QRICH1: variants seen among roughly 807,000 people sequenced by gnomAD.
QRICH1 encodes glutamine rich 1, also known as transcriptional regulator QRICH1.
In QRICH1, 16 loss-of-function variants were observed where a neutral mutation model predicts 87.1. That is an observed-to-expected ratio of 0.18 (90% CI 0.12 to 0.28). QRICH1 has a LOEUF of 0.28. Among genes scored for constraint, QRICH1 ranks in the 10% least tolerant of loss-of-function variants. The probability of loss-of-function intolerance (pLI) is 1.00; values close to 1 mark genes in which losing one functional copy is unlikely to be tolerated. For synonymous variants in QRICH1, 367 were observed against 368.4 expected, an observed-to-expected ratio of 1.00 and a Z score of 0.05; for missense variants, 647 against 951.7, an observed-to-expected ratio of 0.68 and a Z score of 4.21.
intron 1 of QRICH1, among the ~76,000 whole-genome samples, chr3:49,082,196 C>A (rs1328708380): frequency 6.6e-6 from 1 of 152,170 alleles, no homozygotes; most frequent in Non-Finnish European, 1.5e-5. Flanking sequence ...CCCAACCTCC[C>A]AAAGTGCTAG....
chr3:49,089,853 G>A (rs2042240545), intron 1 of QRICH1, among the ~76,000 whole-genome samples: 1 of 152,202 alleles, frequency 6.6e-6, no homozygotes, highest in African/African-American at 2.4e-5. Context: ...TACGGCTTGA[G>A]AAGCTGTGAT....
At chr3:49,076,071 G>A (rs770061198) in intron 2 of QRICH1, among the ~76,000 whole-genome samples, 22 of 151,972 alleles carry the variant, frequency 1.4e-4, no homozygotes, top group Admixed American at 3.9e-4. Context: ...GTGAAACCCC[G>A]TCTCTATTAA....
At chr3:49,032,999 G>A (rs1044115107) in intron 7 of QRICH1, 121 bp downstream of exon 7, 73 of 962,714 alleles carry the variant, frequency 7.6e-5, no homozygotes, top group Non-Finnish European at 1.6e-5. Flanking sequence ...GCCAAGTGGG[G>A]TTAGGGCTTT....
intron 3 of QRICH1, among the ~76,000 whole-genome samples, chr3:49,051,662 A>G (rs2093371728): frequency 6.8e-6 from 1 of 146,876 alleles, no homozygotes; most frequent in African/African-American, 2.5e-5. Flanking sequence ...ACCTCAAACT[A>G]ACATCTACAA....
chr3:49,075,426 T>C (rs1410102497), intron 2 of QRICH1, among the ~76,000 whole-genome samples: 2 of 151,194 alleles, frequency 1.3e-5, no homozygotes, highest in Non-Finnish European at 2.9e-5. Flanking sequence ...AGGTCAGAAG[T>C]TCGAGACCAG....
chr3:49,085,650 C>A (rs899650573), intron 1 of QRICH1, among the ~76,000 whole-genome samples: 1 of 151,300 alleles, frequency 6.6e-6, no homozygotes, highest in Non-Finnish European at 1.5e-5. Flanking sequence ...CCCAGCTACT[C>A]GGAAGGCTGA....
At chr3:49,045,760 C>G (rs1324254648) in intron 5 of QRICH1, among the ~76,000 whole-genome samples, 2 of 151,996 alleles carry the variant, frequency 1.3e-5, no homozygotes, top group African/African-American at 4.8e-5. Context: ...TTACCATACC[C>G]AGCTAATTTT....
intron 2 of QRICH1, among the ~76,000 whole-genome samples, chr3:49,071,194 A>G (rs1252049191): frequency 1.3e-5 from 2 of 151,920 alleles, no homozygotes; most frequent in Non-Finnish European, 2.9e-5. Context: ...CCTCCCGAGT[A>G]GCTGGGACTA....
intron 2 of QRICH1, among the ~76,000 whole-genome samples, chr3:49,059,055 G>C (rs9841401): frequency 6.7e-6 from 1 of 149,872 alleles, no homozygotes; most frequent in African/African-American, 2.5e-5. Context: ...TCCGCCTCCC[G>C]GGTTCACGCC....
intron 6 of QRICH1, among the ~76,000 whole-genome samples, chr3:49,040,193 T>C (rs767958227): frequency 6.6e-6 from 1 of 152,266 alleles, no homozygotes; most frequent in Non-Finnish European, 1.5e-5. Flanking sequence ...TGCATATCCA[T>C]ACTTGGCTTG....
chr3:49,030,395 G>A lies in QRICH1; in HGVS notation c.*57C>T. On this transcript the variant is annotated 3_prime_UTR_variant, in exon 10 of 10. Coordinates refer to ENST00000395443, the MANE Select transcript of QRICH1 (RefSeq NM_198880.3). ...AAAAAATGGAGGCCTCTTCTTTAGT[G>A]TGAAAGTCTGTCTGGTTTTTCCTGG... is the stretch of plus-strand genomic sequence containing the variant. 2 of 1,536,822 alleles carry A rather than the reference G, an allele frequency of 1.3e-6. No individual in the cohort carries two copies. Among genetic ancestry groups the A allele is most frequent in the Non-Finnish European group, 1.8e-6 (2 of 1,122,128 alleles).
rs147690161 is a variant in QRICH1, at chr3:49,076,997, G to A, written c.21C>T (p.Asn7=). 90 of 1,499,056 alleles carry A rather than the reference G, an allele frequency of 6.0e-5. No individual in the cohort carries two copies. The highest frequency in any genetic ancestry group is 7.7e-5 in the Non-Finnish European group (86 of 1,114,366). 92.9% of individuals were successfully genotyped at this position (1,499,056 alleles called of 1,614,324 possible). Residue 7 remains asparagine (N), a synonymous_variant, in exon 2 of 10, where the codon AAC becomes AAT. Coordinates refer to ENST00000395443, the MANE Select transcript of QRICH1 (RefSeq NM_198880.3). ...GGATGTACTCTTCAAAGGAGATGGT[G>A]TTCTCTAGGGAATTATTCATATTGC... is the stretch of plus-strand genomic sequence containing the variant. The part of the protein sequence containing the change: MNNSLE[N]TISFEEYIRV...
intron 2 of QRICH1, among the ~76,000 whole-genome samples, chr3:49,072,740 G>A (rs561894005): frequency 6.6e-6 from 1 of 152,040 alleles, no homozygotes; most frequent in South Asian, 2.1e-4. Flanking sequence ...TTTTTGAGGA[G>A]CTACAGTGAA....
chr3:49,044,624 A>C, intron 5 of QRICH1, 120 bp from the exon 6 acceptor site: 1 of 631,968 alleles, frequency 1.6e-6, no homozygotes, highest in Non-Finnish European at 2.7e-6. Context: ...ACCTCAACAA[A>C]CCAAGGCACC....
intron 5 of QRICH1, among the ~76,000 whole-genome samples, chr3:49,045,570 A>G (rs2093334386): frequency 6.6e-6 from 1 of 151,972 alleles, no homozygotes; most frequent in African/African-American, 2.4e-5. Context: ...AGCTGGGACT[A>G]CAGGTGTGTG....
At chr3:49,077,142 A>G in intron 1 of QRICH1, 104 bp from the exon 2 acceptor site, 1 of 662,814 alleles carries the variant, frequency 1.5e-6, no homozygotes, top group Non-Finnish European at 2.2e-6. Flanking sequence ...GCAGCTGTAT[A>G]CATATAGAAT....
chr3:49,084,461 G>A (rs1034741147), intron 1 of QRICH1, among the ~76,000 whole-genome samples: 1 of 151,836 alleles, frequency 6.6e-6, no homozygotes, highest in Non-Finnish European at 1.5e-5. Context: ...CGCCATGTTG[G>A]TCAGGATGTA....
chr3:49,075,523 C>A (rs2041934213), intron 2 of QRICH1, among the ~76,000 whole-genome samples: 1 of 152,060 alleles, frequency 6.6e-6, no homozygotes, highest in Admixed American at 6.6e-5. Context: ...CCCAGCTACT[C>A]AGGAAGCTGA....
intron 1 of QRICH1, among the ~76,000 whole-genome samples, chr3:49,084,936 A>C (rs749272336): frequency 3.3e-5 from 5 of 152,036 alleles, no homozygotes; most frequent in African/African-American, 1.2e-4. Flanking sequence ...AGATCAGGAG[A>C]TCGAGACCAT....
Sources: gnomAD v4.1 joint callset for allele counts (sites outside exome capture counted in the v4.1 genomes callset) on GRCh38, gnomAD v4.1.1 for gene constraint, MANE v1.5 for transcripts, NCBI Gene and HGNC (gene_info 2026-07-23, HGNC 2026-07-21) for gene names.